The following PXDN variants were observed in gnomAD, a reference collection of about 807,000 sequenced individuals.
PXDN encodes the protein peroxidasin.
In PXDN, 77 loss-of-function variants were observed where a neutral mutation model predicts 140.3. The ratio of observed to expected loss-of-function variants is 0.55; its 90% CI spans 0.46 to 0.66. The LOEUF is 0.66. PXDN is among the 30% of genes least tolerant of loss of function. The probability of loss-of-function intolerance (pLI) is 0.00; values close to 1 mark genes in which losing one functional copy is unlikely to be tolerated. For missense variants in PXDN, 1,838 were observed against 2,039.5 expected, an observed-to-expected ratio of 0.90 and a Z score of 1.90; for synonymous variants, 911 against 857.4, an observed-to-expected ratio of 1.06 and a Z score of -1.09.
At chr2:1,699,274 A>G (rs968113598) in intron 1 of PXDN, among the ~76,000 whole-genome samples, 3 of 152,282 alleles carry the variant, frequency 2.0e-5, no homozygotes, top group East Asian at 3.8e-4. Flanking sequence ...AAAGTTATGA[A>G]TTCTAAAAAG....
At position 1,723,262 on chromosome 2, in the gene PXDN, T is replaced by C. The variant is rs553135352; in HGVS notation, c.200+20994A>G. 6.6e-5 allele frequency among the ~76,000 whole-genome samples: 10 copies of C among 151,984 alleles called. No individual in the cohort carries two copies. In the South Asian group the frequency reaches 2.1e-3, roughly 32 times the overall value. ...GGTTATGAATCAATGAACAGATAGA[T>C]GGACTAATGAATGGAAAGGTGAATG... On this transcript the variant is annotated intron_variant, in intron 1 of 22. Coordinates refer to ENST00000252804, the MANE Select transcript of PXDN (RefSeq NM_012293.3).
Position 1,711,299 on chromosome 2 carries a change from TCTCCACCAGCACCCG to T in PXDN, c.201-18180_201-18166del, listed in dbSNP as rs1279309574. The stretch of plus-strand genomic sequence containing the variant: ...GCACCCACTCTCCACCAGCACCCAC[TCTCCACCAGCACCCG>T]CTCCACCAGCACCCGCTCCACCAGC... On this transcript the variant is annotated intron_variant, in intron 1 of 22. Coordinates refer to ENST00000252804, the MANE Select transcript of PXDN (RefSeq NM_012293.3). 4.1e-4 allele frequency among the ~76,000 whole-genome samples: 34 copies of T among 82,988 alleles called. 2 individuals are homozygous for T. The East Asian group carries it at 7.7e-3, about 19-fold the overall frequency. 54.4% of individuals were successfully genotyped at this position (82,988 alleles called of 152,430 possible). A position where few individuals can be genotyped will look rare whatever the true frequency, so the allele number is the denominator to read the frequency against.
At chr2:1,684,734 A>G (rs1330623067) in intron 4 of PXDN, among the ~76,000 whole-genome samples, 1 of 152,228 alleles carries the variant, frequency 6.6e-6, no homozygotes, top group African/African-American at 2.4e-5. Flanking sequence ...GATTGTACAG[A>G]ATACCCAGTG....
At chr2:1,668,613 A>AC (rs1250059423) in intron 9 of PXDN, among the ~76,000 whole-genome samples, 1 of 151,846 alleles carries the variant, frequency 6.6e-6, no homozygotes, top group Non-Finnish European at 1.5e-5. Context: ...CAAAAAAAAA[A>AC]AACAACCCCA....
chr2:1,648,864 C>T lies in PXDN; in HGVS notation c.2916G>A (p.Leu972=). The T allele has an allele frequency of 6.2e-7, 1 of 1,601,880 alleles. No homozygotes were observed. The highest frequency in any genetic ancestry group is 1.7e-4 in the Middle Eastern group (1 of 6,048). The change falls in exon 17 of 23, where the codon CTG becomes CTA. Residue 972 remains leucine, a synonymous_variant. Coordinates refer to ENST00000252804, the MANE Select transcript of PXDN (RefSeq NM_012293.3). This position sits in a 1 kb window ranked among gnomAD's most constrained non-coding sequence, Gnocchi z 8.9. ...GCTCGTTGGCGCGGTGGTCCCCGGC[C>T]AGGAAGCAGGGGATGGGGCTCTCGT... ...DENESPIPCF[L]AGDHRANEQL...
In PXDN at chr2:1,725,529, T is replaced by C. The variant is rs201772957; in HGVS notation, c.200+18727A>G. Among the ~76,000 whole-genome samples, 2,844 of 152,156 alleles carry C rather than the reference T, an allele frequency of 0.019. 258 individuals carry two copies. In the East Asian group the frequency reaches 0.3, roughly 16 times the overall value. ...GACATAGGCATGGGCAAGGACTTCATGTCTAAAACACCAAAAGCAATGGCA... is the reference window on the plus strand; with the variant it reads ...GACATAGGCATGGGCAAGGACTTCACGTCTAAAACACCAAAAGCAATGGCA... On this transcript the variant is annotated intron_variant, in intron 1 of 22. Coordinates refer to ENST00000252804, the MANE Select transcript of PXDN (RefSeq NM_012293.3).
rs1683024102 is a variant in PXDN at position 1,651,940 on chromosome 2, G to A, written c.2104+1688C>T. Among the ~76,000 whole-genome samples the A allele has an allele frequency of 6.6e-6, 1 of 152,228 alleles. No homozygotes were observed. Among genetic ancestry groups the A allele is most frequent in the Non-Finnish European group, 1.5e-5 (1 of 68,034 alleles). On this transcript the variant is annotated intron_variant, in intron 16 of 22. Transcript: ENST00000252804. The surrounding 1 kb of genome is among the most constrained non-coding windows in gnomAD (Gnocchi z 4.4). Reference sequence around the variant, plus strand: ...GGCCCAGGACAATGACTGGCATAGAGGGTGTGCCCTGACAGGCAGGTGGAA... The same window carrying A: ...GGCCCAGGACAATGACTGGCATAGAAGGTGTGCCCTGACAGGCAGGTGGAA...
rs1345748687 is a variant in PXDN at position 1,687,250 on chromosome 2, C to T, written c.416+382G>A. On this transcript the variant is annotated intron_variant, in intron 4 of 22. Transcript: ENST00000252804. This position sits in a 1 kb window ranked among gnomAD's most constrained non-coding sequence, Gnocchi z 4.0. ...ACGAGGCAAAGAGCCCTCTCCTCCC[C>T]GGGCACCCTGGATATTTCCCCTGTG... Among the ~76,000 whole-genome samples the T allele has an allele frequency of 1.3e-5, 2 of 152,340 alleles. No individual in the cohort carries two copies. Among genetic ancestry groups the T allele is most frequent in the African/African-American group, 2.4e-5 (1 of 41,582 alleles).
At chr2:1,643,889 A>G (rs991711831) in intron 18 of PXDN, among the ~76,000 whole-genome samples, 1 of 151,878 alleles carries the variant, frequency 6.6e-6, no homozygotes, top group Admixed American at 6.6e-5. Flanking sequence ...TGGCTAACAC[A>G]GTGAAACCCC....
chr2:1,719,833 A>AC lies in PXDN; in HGVS notation c.200+24422_200+24423insG, dbSNP rs1558525356. Among the ~76,000 whole-genome samples the AC allele has an allele frequency of 3.1e-3, 290 of 92,550 alleles. 17 individuals are homozygous for AC. The East Asian group carries it at 0.071, about 23-fold the overall frequency. 60.7% of individuals were successfully genotyped at this position (92,550 alleles called of 152,430 possible). Reference sequence around the variant, plus strand: ...CCACAGGATGTGTGTACATGCGTGCATTGTGTGTGTGTGTGTGTGTGTGTG... The same window carrying AC: ...CCACAGGATGTGTGTACATGCGTGCACTTGTGTGTGTGTGTGTGTGTGTGTG... On this transcript the variant is annotated intron_variant, in intron 1 of 22. Coordinates refer to ENST00000252804, the MANE Select transcript of PXDN (RefSeq NM_012293.3).
chr2:1,683,962 G>T, intron 5 of PXDN, 118 bp downstream of exon 5: 3 of 1,087,060 alleles, frequency 2.8e-6, no homozygotes, highest in Non-Finnish European at 4.0e-6. Context: ...CTAGAAATAT[G>T]GATTTTATAT....
intron 1 of PXDN, among the ~76,000 whole-genome samples, chr2:1,719,164 G>A (rs912069880): frequency 2.0e-5 from 3 of 152,208 alleles, no homozygotes; most frequent in Non-Finnish European, 4.4e-5. Flanking sequence ...TTACTCGGAA[G>A]GGGGCTTGCT....
chr2:1,744,486 A>T lies in PXDN; in HGVS notation c.-31T>A. 1 of 1,412,770 alleles carries T rather than the reference A, an allele frequency of 7.1e-7. No homozygotes were observed. The highest frequency in any genetic ancestry group is 9.2e-7 in the Non-Finnish European group (1 of 1,092,210). 87.5% of individuals were successfully genotyped at this position (1,412,770 alleles called of 1,614,324 possible). A position where few individuals can be genotyped will look rare whatever the true frequency, so the allele number is the denominator to read the frequency against. ...ACGGCGCGGACGGACGCTCGGACGC[A>T]CGGAGCCACCACGGCCGGCTCCCGA... On this transcript the variant is annotated 5_prime_UTR_variant, in exon 1 of 23. Transcript: ENST00000252804.
chr2:1,725,887 C>G (rs1685168036), intron 1 of PXDN, among the ~76,000 whole-genome samples: 1 of 152,028 alleles, frequency 6.6e-6, no homozygotes, highest in South Asian at 2.1e-4. Context: ...GATACCATCT[C>G]CCACCAGTTA....
intron 18 of PXDN, 72 bp downstream of exon 18, chr2:1,644,546 C>T: frequency 6.9e-7 from 1 of 1,445,534 alleles, no homozygotes; most frequent in African/African-American, 1.4e-5. Flanking sequence ...TCAACCAGGA[C>T]AGCTCTTCTC....
rs368679321 is a variant in PXDN, at chr2:1,649,656, C to G, written c.2124G>C (p.Leu708=). 15 of 1,613,756 alleles carry G rather than the reference C, an allele frequency of 9.3e-6. No homozygotes were observed. Among genetic ancestry groups the G allele is most frequent in the Non-Finnish European group, 1.1e-5 (13 of 1,179,886 alleles). The change falls in exon 17 of 23, where the codon CTG becomes CTC. Residue 708 remains leucine (L), a synonymous_variant. Transcript: ENST00000252804. This position sits in a 1 kb window ranked among gnomAD's most constrained non-coding sequence, Gnocchi z 7.1. The stretch of plus-strand genomic sequence containing the variant: ...TGAGGTTCAGGTACTGTGGAGACAC[C>G]AGGTCGTTGTAGTGGTAACCTGGGA... ...LNGTSYHYND[L]VSPQYLNLIA...
intron 8 of PXDN, among the ~76,000 whole-genome samples, chr2:1,675,753 A>T (rs1683688772): frequency 6.7e-6 from 1 of 148,360 alleles, no homozygotes; most frequent in African/African-American, 2.5e-5. Context: ...TTGCCTCTGG[A>T]GTCTGGAACA....
Position 1,687,699 on chromosome 2 carries a change from GA to G in PXDN, c.348del (p.Leu117CysfsTer20). The G allele has an allele frequency of 6.6e-7, 1 of 1,516,774 alleles. No homozygotes were observed. The highest frequency in any genetic ancestry group is 9.1e-7 in the Non-Finnish European group (1 of 1,096,512). The allele number at this position is 1,516,774 out of a possible 1,614,324, so 94.0% of individuals were successfully genotyped here. ...ATTGACTGGATCTCATTCTTGTACA[GA>G]TAGCTGAAACAAGAAACATTGGGGA... ...FEDLENLKYL[Y>X]LYKNEIQSID... On this transcript the variant is annotated frameshift_variant, in exon 4 of 23. Coordinates refer to ENST00000252804, the MANE Select transcript of PXDN (RefSeq NM_012293.3). LOFTEE classifies it high-confidence loss of function. This position sits in a 1 kb window ranked among gnomAD's most constrained non-coding sequence, Gnocchi z 4.0.
At chr2:1,722,115 G>A (rs924368152) in intron 1 of PXDN, among the ~76,000 whole-genome samples, 1 of 152,228 alleles carries the variant, frequency 6.6e-6, no homozygotes. Context: ...CCCGAGAGGT[G>A]TTGACAATGG....
Sources: allele counts gnomAD v4.1 joint callset (sites outside exome capture counted in the v4.1 genomes callset), GRCh38; gene constraint gnomAD v4.1.1; non-coding constraint Gnocchi (gnomAD v3.1); transcripts MANE v1.5; gene names NCBI Gene and HGNC (gene_info 2026-07-23, HGNC 2026-07-21).